The following PRKD3 variants were observed in gnomAD, a reference collection of about 807,000 sequenced individuals.
PRKD3 encodes protein kinase D3, also known as serine/threonine-protein kinase D3.
PRKD3 carries 47 observed loss-of-function variants against 99.2 expected under a neutral mutation model. The observed-to-expected ratio is 0.47, with a 90% CI of 0.38 to 0.60. The LOEUF is 0.60. Ranked by LOEUF, PRKD3 falls within the 20% of genes least tolerant of loss-of-function variation. PRKD3 has a pLI of 0.00. For missense variants in PRKD3, 1,019 were observed against 1,088.4 expected (o/e 0.94, Z 0.90); for synonymous variants, 392 against 355.4 (o/e 1.10, Z -1.16).
intron 2 of PRKD3, 82 bp downstream of exon 2, chr2:37,316,155 C>G (rs949806816): frequency 1.5e-6 from 2 of 1,365,562 alleles, no homozygotes; most frequent in African/African-American, 2.9e-5. Flanking sequence ...ATCAGTATGT[C>G]TTAACTCACT....
chr2:37,255,901 C>A (rs1333298250), intron 17 of PRKD3, among the ~76,000 whole-genome samples: 2 of 152,034 alleles, frequency 1.3e-5, no homozygotes, highest in Admixed American at 1.3e-4. Flanking sequence ...ATCATCCCAC[C>A]TAGTCAGGAG....
chr2:37,278,801 G>A (rs1355444807), intron 8 of PRKD3: 1 of 151,870 alleles, frequency 6.6e-6, no homozygotes, highest in Non-Finnish European at 1.5e-5. Context: ...GCCGGGCGTG[G>A]TGGCAGGTGC....
intron 2 of PRKD3, among the ~76,000 whole-genome samples, chr2:37,313,555 A>T (rs2124897027): frequency 6.6e-6 from 1 of 152,344 alleles, no homozygotes; most frequent in Non-Finnish European, 1.5e-5. Context: ...GTGAATCTAA[A>T]AAGCATACCC....
intron 2 of PRKD3, 59 bp from the exon 3 acceptor site, chr2:37,293,330 G>GT (rs1353048603): frequency 7.1e-7 from 1 of 1,409,372 alleles, no homozygotes; most frequent in East Asian, 2.3e-5. Flanking sequence ...ATAAGTAAAC[G>GT]TTTCAATTTT....
intron 14 of PRKD3, among the ~76,000 whole-genome samples, chr2:37,264,552 G>C (rs78933182): frequency 0.012 from 1,821 of 152,124 alleles, 18 homozygotes; most frequent in Middle Eastern, 0.088. Flanking sequence ...ATGCTGAATA[G>C]AATGTGGAGG....
chr2:37,286,482 A>T, intron 5 of PRKD3, 113 bp from the exon 6 acceptor site: 1 of 871,896 alleles, frequency 1.1e-6, no homozygotes, highest in Non-Finnish European at 1.7e-6. Context: ...AAAAACTCTA[A>T]AAATGTTGTT....
chr2:37,272,971 C>A (rs981105530), intron 11 of PRKD3, among the ~76,000 whole-genome samples: 2 of 149,992 alleles, frequency 1.3e-5, no homozygotes, highest in Non-Finnish European at 1.5e-5. Flanking sequence ...CATAGCGAGA[C>A]CCTGTCTCTT....
chr2:37,306,666 G>A (rs1201644025), intron 2 of PRKD3, among the ~76,000 whole-genome samples: 3 of 152,068 alleles, frequency 2.0e-5, no homozygotes, highest in Admixed American at 6.5e-5. Flanking sequence ...AAAATTAGCC[G>A]AGCGTGGTGG....
intron 4 of PRKD3, 152 bp from the exon 5 acceptor site, chr2:37,289,665 G>C (rs932771813): frequency 4.8e-6 from 3 of 625,844 alleles, no homozygotes; most frequent in Non-Finnish European, 7.8e-6. Context: ...CTAAGTGGAA[G>C]CTAATGAATT....
At chr2:37,293,817 T>C (rs1395235248) in intron 2 of PRKD3, among the ~76,000 whole-genome samples, 1 of 152,210 alleles carries the variant, frequency 6.6e-6, no homozygotes, top group Non-Finnish European at 1.5e-5. Flanking sequence ...GCTGATATCG[T>C]TTACCTATTT....
rs746598026 is a variant in PRKD3 at position 37,316,514 on chromosome 2, T to C, written c.11A>G (p.Asn4Ser). The change falls in exon 2 of 19, where the codon AAT becomes AGT. Residue 4 changes from asparagine to serine, a missense_variant. Coordinates refer to ENST00000234179, the MANE Select transcript of PRKD3 (RefSeq NM_005813.6). ...CTTCTGGGCTGATGGAGGGGAATTA[T>C]TTGCAGACATCTGCCTTTCTTTAAT... MSA[N>S]NSPPSAQKSV... 5.6e-6 allele frequency: 9 copies of C among 1,612,800 alleles called. No homozygotes were observed. The highest frequency in any genetic ancestry group is 6.8e-6 in the Non-Finnish European group (8 of 1,179,242).
In PRKD3 at chr2:37,324,816, G is replaced by T. The variant is rs1304594552; in HGVS notation, c.-791C>A. The T allele has an allele frequency of 6.6e-6, 1 of 150,382 alleles. No homozygotes were observed. Among genetic ancestry groups the T allele is most frequent in the African/African-American group, 2.4e-5 (1 of 41,190 alleles). 9.3% of individuals were successfully genotyped at this position (150,382 alleles called of 1,614,324 possible). A position where few individuals can be genotyped will look rare whatever the true frequency, so the allele number is the denominator to read the frequency against. ...CCCTTCCTCCCTCCCTCCCCGTCCC[G>T]TCCTGGGGCCGGAGGGCGGGGGGCC... On this transcript the variant is annotated 5_prime_UTR_variant, in exon 1 of 19. Coordinates refer to ENST00000234179, the MANE Select transcript of PRKD3 (RefSeq NM_005813.6).
At chr2:37,312,131 G>A (rs1000637583) in intron 2 of PRKD3, among the ~76,000 whole-genome samples, 4 of 152,112 alleles carry the variant, frequency 2.6e-5, no homozygotes, top group African/African-American at 9.7e-5. Flanking sequence ...AGCTAACCAG[G>A]AAATGCTCAA....
intron 5 of PRKD3, among the ~76,000 whole-genome samples, chr2:37,288,270 A>C (rs779394597): frequency 5.3e-5 from 8 of 152,040 alleles, no homozygotes; most frequent in Admixed American, 3.3e-4. Flanking sequence ...TTTTCCTACT[A>C]ATCTTTTCCA....
chr2:37,315,288 TAAAGTTCCTTAAGA>T (rs1404429506), intron 2 of PRKD3, among the ~76,000 whole-genome samples: 1 of 152,192 alleles, frequency 6.6e-6, no homozygotes, highest in Non-Finnish European at 1.5e-5. Flanking sequence ...GATATTTAGC[TAAAGTTCCTTAAGA>T]AAACGGCACG....
chr2:37,261,721 G>A (rs11890754), intron 14 of PRKD3, among the ~76,000 whole-genome samples: 6,704 of 152,028 alleles, frequency 0.044, 161 homozygotes, highest in Non-Finnish European at 0.049. Flanking sequence ...CAGAGGTTGC[G>A]GTGAGCTGAG....
In PRKD3 at chr2:37,289,269, A is replaced by G. The variant is rs965253618; in HGVS notation, c.717+87T>C. 9.2e-6 allele frequency: 13 copies of G among 1,415,526 alleles called. No individual in the cohort carries two copies. In the Admixed American group the frequency reaches 2.0e-4, roughly 21 times the overall value. The allele number at this position is 1,415,526 out of a possible 1,614,324, so 87.7% of individuals were successfully genotyped here. On this transcript the variant is annotated intron_variant, in intron 5 of 18. Transcript: ENST00000234179. Reference sequence around the variant, plus strand: ...GGAACATTACCATTCTTTAGCATATAAATTATGTTCTAGAGTGATGTCATA... The same window carrying G: ...GGAACATTACCATTCTTTAGCATATGAATTATGTTCTAGAGTGATGTCATA...
chr2:37,317,895 C>T (rs1179277136), intron 1 of PRKD3: 1 of 151,396 alleles, frequency 6.6e-6, no homozygotes, highest in African/African-American at 2.4e-5. Flanking sequence ...GACCACAAAG[C>T]ATTTCTAACA....
At chr2:37,303,157 C>T (rs890743533) in intron 2 of PRKD3, among the ~76,000 whole-genome samples, 6 of 151,998 alleles carry the variant, frequency 3.9e-5, no homozygotes, top group Non-Finnish European at 7.4e-5. Context: ...GCCTGACTAT[C>T]GGGAAGAGCC....
Sources: gnomAD v4.1 joint callset for allele counts (sites outside exome capture counted in the v4.1 genomes callset) on GRCh38, gnomAD v4.1.1 for gene constraint, MANE v1.5 for transcripts, NCBI Gene and HGNC (gene_info 2026-07-23, HGNC 2026-07-21) for gene names.